Variants in PACRG observed in about 807,000 individuals in gnomAD.
PACRG encodes parkin coregulated gene protein.
A neutral mutation model predicts 29.7 loss-of-function variants in PACRG; 29 were observed. That is an observed-to-expected ratio of 0.98 (90% CI 0.73 to 1.33). PACRG has a LOEUF of 1.33. PACRG is among the 40% of genes most tolerant of loss of function. The probability of loss-of-function intolerance (pLI) is 0.00; values close to 1 mark genes in which losing one functional copy is unlikely to be tolerated. For missense variants in PACRG, 279 were observed against 316.2 expected, an observed-to-expected ratio of 0.88 and a Z score of 0.89; for synonymous variants, 116 against 118.7, an observed-to-expected ratio of 0.98 and a Z score of 0.15.
intron 2 of PACRG, among the ~76,000 whole-genome samples, chr6:162,854,180 T>TTA (rs397777799): frequency 3.4e-5 from 5 of 148,390 alleles, no homozygotes; most frequent in Non-Finnish European, 6.0e-5. Context: ...TTTTTTTTTT[T>TTA]AATTGAATGA....
At chr6:163,067,081 C>T (rs1041911714) in intron 3 of PACRG, among the ~76,000 whole-genome samples, 1 of 152,214 alleles carries the variant, frequency 6.6e-6, no homozygotes, top group African/African-American at 2.4e-5. Context: ...CCTCCACTTC[C>T]TGACCTTTGA....
chr6:163,039,364 A>G (rs1830735), intron 2 of PACRG, among the ~76,000 whole-genome samples: 84,228 of 152,048 alleles, frequency 0.55, 25,770 homozygotes, highest in East Asian at 0.96. Context: ...ACAAACTAAT[A>G]CAGAAAATTG....
chr6:163,294,847 TG>T (rs1410471074), intron 4 of PACRG, among the ~76,000 whole-genome samples: 1 of 152,236 alleles, frequency 6.6e-6, no homozygotes, highest in Non-Finnish European at 1.5e-5. Context: ...TATTTCACTT[TG>T]TTTTCATATA....
intron 2 of PACRG, among the ~76,000 whole-genome samples, chr6:162,851,184 C>T (rs1277410184): frequency 6.6e-6 from 1 of 152,188 alleles, no homozygotes; most frequent in Non-Finnish European, 1.5e-5. Flanking sequence ...TGTCCAGCTG[C>T]GGCTGGTAGA....
intron 4 of PACRG, among the ~76,000 whole-genome samples, chr6:163,112,810 T>C (rs1185873579): frequency 6.6e-6 from 1 of 152,064 alleles, no homozygotes; most frequent in African/African-American, 2.4e-5. Flanking sequence ...TGTCATTAGA[T>C]CAAATATCCA....
chr6:162,836,922 C>G (rs1789278828), intron 2 of PACRG, among the ~76,000 whole-genome samples: 1 of 152,130 alleles, frequency 6.6e-6, no homozygotes, highest in Non-Finnish European at 1.5e-5. Context: ...GAGCTAGAAC[C>G]TAGGTCTGCT....
intron 2 of PACRG, among the ~76,000 whole-genome samples, chr6:162,925,814 G>A (rs993072099): frequency 2.0e-5 from 3 of 151,628 alleles, no homozygotes; most frequent in Non-Finnish European, 4.4e-5. Context: ...GCCAGGGAAA[G>A]CAAGAGAAAG....
chr6:163,102,543 T>A (rs1815155328), intron 4 of PACRG, among the ~76,000 whole-genome samples: 1 of 152,202 alleles, frequency 6.6e-6, no homozygotes, highest in Non-Finnish European at 1.5e-5. Flanking sequence ...ATCAGGTCTC[T>A]CCTGAAATTT....
chr6:163,073,488 A>G (rs1812263582), intron 3 of PACRG, among the ~76,000 whole-genome samples: 1 of 152,222 alleles, frequency 6.6e-6, no homozygotes, highest in African/African-American at 2.4e-5. Flanking sequence ...ACTACAAGAA[A>G]ACATTGGGGA....
chr6:163,180,466 A>G (rs1010020149), intron 4 of PACRG, among the ~76,000 whole-genome samples: 6 of 152,148 alleles, frequency 3.9e-5, no homozygotes, highest in African/African-American at 1.4e-4. Context: ...ACACTGCTAA[A>G]AAGTTTCAAT....
At chr6:162,966,562 C>T (rs569526887) in intron 2 of PACRG, among the ~76,000 whole-genome samples, 2 of 149,702 alleles carry the variant, frequency 1.3e-5, no homozygotes, top group Admixed American at 6.7e-5. Flanking sequence ...CTGCAAGCTC[C>T]GCCTCCCGGG....
chr6:162,880,791 G>A (rs1263677317), intron 2 of PACRG, among the ~76,000 whole-genome samples: 1 of 152,174 alleles, frequency 6.6e-6, no homozygotes, highest in Admixed American at 6.5e-5. Flanking sequence ...CATCTTCCGA[G>A]ATACCCTAAA....
At chr6:162,922,257 A>G (rs1052562553) in intron 2 of PACRG, among the ~76,000 whole-genome samples, 1 of 146,938 alleles carries the variant, frequency 6.8e-6, no homozygotes, top group Non-Finnish European at 1.5e-5. Context: ...CGCCTTGCTC[A>G]TATCTAGCAT....
intron 4 of PACRG, among the ~76,000 whole-genome samples, chr6:163,270,998 G>A (rs946106049): frequency 6.6e-6 from 1 of 152,112 alleles, no homozygotes; most frequent in Non-Finnish European, 1.5e-5. Context: ...ACAATAGGAC[G>A]TGTCTGCAAG....
chr6:162,986,695 A>C (rs1483313542), intron 2 of PACRG, among the ~76,000 whole-genome samples: 1 of 152,104 alleles, frequency 6.6e-6, no homozygotes, highest in Admixed American at 6.6e-5. Flanking sequence ...TGCAACAAAA[A>C]TATGATAATT....
intron 2 of PACRG, among the ~76,000 whole-genome samples, chr6:162,948,336 C>T (rs1194626442): frequency 2.6e-5 from 4 of 151,982 alleles, no homozygotes; most frequent in African/African-American, 7.2e-5. Flanking sequence ...AAACTGGATC[C>T]GTGTTCAGAA....
intron 2 of PACRG, among the ~76,000 whole-genome samples, chr6:163,030,016 TGAG>T (rs1174566708): frequency 5.9e-5 from 9 of 152,166 alleles, no homozygotes; most frequent in Non-Finnish European, 1.0e-4. Flanking sequence ...CTTCATACAA[TGAG>T]GAGGAAAATT....
intron 1 of PACRG, among the ~76,000 whole-genome samples, chr6:162,797,045 G>A (rs1044893470): frequency 6.6e-6 from 1 of 152,238 alleles, no homozygotes; most frequent in East Asian, 1.9e-4. Context: ...GGGAAGCCAA[G>A]GCAGGCAGAT....
chr6:163,233,266 T>G (rs900615223), intron 4 of PACRG, among the ~76,000 whole-genome samples: 3 of 151,276 alleles, frequency 2.0e-5, no homozygotes, highest in Non-Finnish European at 4.4e-5. Flanking sequence ...GCTGAAGGTG[T>G]GTGAATGGAT....
Sources: gnomAD v4.1 joint callset for allele counts (sites outside exome capture counted in the v4.1 genomes callset) on GRCh38, gnomAD v4.1.1 for gene constraint, MANE v1.5 for transcripts, NCBI Gene and HGNC (gene_info 2026-07-23, HGNC 2026-07-21) for gene names.